Variants in JAG1 observed in about 807,000 individuals in gnomAD.
The protein encoded by JAG1 is jagged canonical Notch ligand 1, also known as protein jagged-1.
A neutral mutation model predicts 148.7 loss-of-function variants in JAG1; 23 were observed. The ratio of observed to expected loss-of-function variants is 0.15; its 90% confidence interval spans 0.11 to 0.22. The LOEUF (loss-of-function observed/expected upper bound fraction) is 0.22, where lower values mean the gene tolerates loss of function less well. JAG1 is among the 10% of genes least tolerant of loss of function. JAG1 has a pLI of 1.00. For synonymous variants in JAG1, 572 were observed against 598.3 expected (o/e 0.96, Z 0.64); for missense variants, 1,054 against 1,611.2 (o/e 0.65, Z 5.92).
At chr20:10,642,445 C>G in intron 21 of JAG1, 43 bp downstream of exon 21, 3 of 1,169,952 alleles carry the variant, frequency 2.6e-6, no homozygotes, top group Non-Finnish European at 3.9e-6. Context: ...AAAGCTCGCT[C>G]ACCCCAGAAG....
Position 10,639,017 on chromosome 20 carries a change from AAATAAAT to A in JAG1, c.*474_*480del, listed in dbSNP as rs1268296245. 6.4e-6 allele frequency: 1 copy of A among 156,604 alleles called. No homozygotes were observed. The highest frequency in any genetic ancestry group is 1.4e-5 in the Non-Finnish European group (1 of 70,132). 9.7% of individuals were successfully genotyped at this position (156,604 alleles called of 1,614,324 possible). A position where few individuals can be genotyped will look rare whatever the true frequency, so the allele number is the denominator to read the frequency against. ...CCAACAACAAAAATACAATTAAAAAAAATAAATAATAAAGTCATTTGTGATCGTTGCT... is the reference window on the plus strand; with the variant it reads ...CCAACAACAAAAATACAATTAAAAAAAATAAAGTCATTTGTGATCGTTGCT... On this transcript the variant is annotated 3_prime_UTR_variant, in exon 26 of 26. Transcript: ENST00000254958.
At chr20:10,653,841 T>C (rs182523535) in intron 5 of JAG1, among the ~76,000 whole-genome samples, 118 of 152,270 alleles carry the variant, frequency 7.7e-4, no homozygotes, top group Non-Finnish European at 1.5e-3. Flanking sequence ...ACTTAACCCC[T>C]GAGAATACTG....
chr20:10,669,514 TCA>T (rs1022094993), intron 2 of JAG1, among the ~76,000 whole-genome samples: 3 of 106,630 alleles, frequency 2.8e-5, no homozygotes, highest in African/African-American at 1.1e-4. Context: ...CTGGCATCCC[TCA>T]CACAGAAGAA....
Position 10,672,857 on chromosome 20 carries a change from C to T in JAG1, c.231G>A (p.Val77=). Residue 77 remains valine (V), a synonymous_variant, in exon 2 of 26, where the codon GTG becomes GTA. Transcript: ENST00000254958. ...TRDECDTYFK[V]CLKEYQSRVT... ...CGCGGGACTGATACTCCTTGAGGCA[C>T]ACTTTGAAGTATGTGTCACACTCGT... The T allele has an allele frequency of 6.2e-7, 1 of 1,613,360 alleles. No individual in the cohort carries two copies. The highest frequency in any genetic ancestry group is 8.5e-7 in the Non-Finnish European group (1 of 1,180,048).
chr20:10,649,735 G>C (rs1423943653), intron 9 of JAG1, 100 bp from the exon 10 acceptor site: 2 of 738,726 alleles, frequency 2.7e-6, no homozygotes, highest in African/African-American at 1.7e-5. Flanking sequence ...TGAGACATGA[G>C]ACATTTTAAT....
chr20:10,639,990 A>G (rs1276304869), intron 25 of JAG1, 35 bp from the exon 26 acceptor site: 1 of 1,508,554 alleles, frequency 6.6e-7, no homozygotes, highest in Non-Finnish European at 9.2e-7. Flanking sequence ...TAACTCTCCA[A>G]GAAAGAAAGA....
chr20:10,650,511 C>T (rs1240504679), intron 8 of JAG1, 151 bp from the exon 9 acceptor site: 6 of 653,356 alleles, frequency 9.2e-6, no homozygotes, highest in South Asian at 8.4e-5. Flanking sequence ...GGGACGGTGA[C>T]GATAAGGCCG....
intron 2 of JAG1, among the ~76,000 whole-genome samples, chr20:10,664,267 GCAGCT>G (rs2122632515): frequency 6.6e-6 from 1 of 152,070 alleles, no homozygotes; most frequent in South Asian, 2.1e-4. Context: ...ATGCATGCAG[GCAGCT>G]CAAAGTTGAG....
chr20:10,648,765 T>G, intron 11 of JAG1, 43 bp from the exon 12 acceptor site: 1 of 1,582,818 alleles, frequency 6.3e-7, no homozygotes, highest in Non-Finnish European at 8.7e-7. Context: ...GCTTTTTTTC[T>G]ATGTATTCCA....
intron 23 of JAG1, 93 bp downstream of exon 23, chr20:10,641,366 TA>T: frequency 6.6e-7 from 1 of 1,511,768 alleles, no homozygotes. Flanking sequence ...GAATGTAAGC[TA>T]GGGAGAAGTA....
chr20:10,673,685 C>T lies in JAG1; in HGVS notation c.-155G>A, dbSNP rs1461993228. 7.1e-6 allele frequency: 2 copies of T among 281,458 alleles called. No individual in the cohort carries two copies. The highest frequency in any genetic ancestry group is 1.4e-4 in the East Asian group (2 of 14,160). The allele number at this position is 281,458 out of a possible 1,614,324, so 17.4% of individuals were successfully genotyped here. ...AGCATGCACGACTGGAAAACAACAC[C>T]ACTTTTCAAAAGCCCTTTCAAGAGC... On this transcript the variant is annotated 5_prime_UTR_variant, in exon 1 of 26. Transcript: ENST00000254958. This position sits in a 1 kb window ranked among gnomAD's most constrained non-coding sequence, Gnocchi z 4.7.
chr20:10,667,394 A>G (rs2067462347), intron 2 of JAG1, among the ~76,000 whole-genome samples: 1 of 152,042 alleles, frequency 6.6e-6, no homozygotes, highest in Admixed American at 6.5e-5. Flanking sequence ...AGGCCCTATT[A>G]TTCTCCATAA....
chr20:10,664,711 C>T (rs2067441692), intron 2 of JAG1, among the ~76,000 whole-genome samples: 1 of 152,118 alleles, frequency 6.6e-6, no homozygotes, highest in Non-Finnish European at 1.5e-5. Context: ...CAACCGCACA[C>T]CCATGGGTTA....
chr20:10,663,890 C>A (rs1340977687), intron 3 of JAG1, 73 bp downstream of exon 3: 1 of 1,161,628 alleles, frequency 8.6e-7, no homozygotes. Context: ...GAGACAGATC[C>A]AGCTCCAACT....
At chr20:10,657,679 A>G (rs16991883) in intron 4 of JAG1, among the ~76,000 whole-genome samples, 8,007 of 152,266 alleles carry the variant, frequency 0.053, 424 homozygotes, top group East Asian at 0.23. Context: ...TAACAGAATT[A>G]CCCATCAAGT....
intron 21 of JAG1, 142 bp downstream of exon 21, chr20:10,642,346 T>A (rs1388829059): frequency 1.0e-5 from 7 of 697,122 alleles, no homozygotes; most frequent in African/African-American, 1.8e-5. Context: ...TGGGGAAGAC[T>A]CTTCACGTTC....
intron 4 of JAG1, among the ~76,000 whole-genome samples, chr20:10,657,574 A>G (rs1436530298): frequency 6.6e-6 from 1 of 151,824 alleles, no homozygotes; most frequent in African/African-American, 2.4e-5. Context: ...TGGTTGAAAA[A>G]CTCACTTTGA....
intron 3 of JAG1, among the ~76,000 whole-genome samples, chr20:10,660,251 G>C (rs1326311147): frequency 6.6e-6 from 1 of 152,202 alleles, no homozygotes; most frequent in East Asian, 1.9e-4. Context: ...CTGCTGCGTG[G>C]GCAAGACAAG....
intron 3 of JAG1, chr20:10,662,567 T>C (rs528461495): frequency 6.5e-6 from 1 of 152,970 alleles, no homozygotes; most frequent in Admixed American, 6.5e-5. Flanking sequence ...AGAGCCTATG[T>C]CTCCCCCCTC....
Sources: gnomAD v4.1 joint callset for allele counts (sites outside exome capture counted in the v4.1 genomes callset) on GRCh38, gnomAD v4.1.1 for gene constraint, Gnocchi (gnomAD v3.1) non-coding constraint, MANE v1.5 for transcripts, NCBI Gene and HGNC (gene_info 2026-07-23, HGNC 2026-07-21) for gene names.